JAKMIP3: variants seen among roughly 807,000 people sequenced by gnomAD.
The protein encoded by JAKMIP3 is janus kinase and microtubule-interacting protein 3.
A neutral mutation model predicts 118.5 loss-of-function variants in JAKMIP3; 58 were observed. That is an observed-to-expected ratio of 0.49 (90% CI 0.40 to 0.61). The LOEUF (loss-of-function observed/expected upper bound fraction) is 0.61. Among genes scored for constraint, JAKMIP3 ranks in the 20% least tolerant of loss-of-function variants. JAKMIP3 has a pLI of 0.00. For synonymous variants in JAKMIP3, 486 were observed against 451.2 expected (o/e 1.08, Z -0.98); for missense variants, 950 against 1,109.0 (o/e 0.86, Z 2.04).
intron 1 of JAKMIP3, among the ~76,000 whole-genome samples, chr10:132,071,906 C>CCTTCCTTTCCTTCCT (rs2040002979): frequency 7.5e-6 from 1 of 134,158 alleles, no homozygotes; most frequent in African/African-American, 2.9e-5. Context: ...TCTTTCTTCC[C>CCTTCCTTTCCTTCCT]TTCCTTCCTT....
chr10:132,114,802 C>T (rs192623227), intron 2 of JAKMIP3, among the ~76,000 whole-genome samples: 8 of 152,114 alleles, frequency 5.3e-5, no homozygotes, highest in Admixed American at 2.0e-4. Flanking sequence ...TTTTCAGCAC[C>T]GAGGTCTTGG....
At chr10:132,131,855 C>T (rs554388176) in intron 3 of JAKMIP3, among the ~76,000 whole-genome samples, 1 of 152,232 alleles carries the variant, frequency 6.6e-6, no homozygotes, top group African/African-American at 2.4e-5. Context: ...CCACCCACAG[C>T]CCCATGGGAA....
chr10:132,126,035 G>A (rs1401533267), intron 3 of JAKMIP3, among the ~76,000 whole-genome samples: 1 of 152,162 alleles, frequency 6.6e-6, no homozygotes, highest in African/African-American at 2.4e-5. Flanking sequence ...AAAGTGCTGG[G>A]ATGACAGGAG....
intron 1 of JAKMIP3, among the ~76,000 whole-genome samples, chr10:132,102,804 C>T (rs1353439478): frequency 6.6e-6 from 1 of 152,204 alleles, no homozygotes; most frequent in Non-Finnish European, 1.5e-5. Flanking sequence ...AACTGCAGGG[C>T]CCATGTCCAA....
At chr10:132,173,461 C>A (rs138173343) in intron 23 of JAKMIP3, among the ~76,000 whole-genome samples, 1 of 151,848 alleles carries the variant, frequency 6.6e-6, no homozygotes, top group African/African-American at 2.4e-5. Context: ...ACAGATGCCC[C>A]AGCTGGAGCA....
intron 17 of JAKMIP3, 56 bp downstream of exon 17, chr10:132,153,079 C>A (rs1303645529): frequency 1.8e-5 from 25 of 1,406,806 alleles, no homozygotes; most frequent in Non-Finnish European, 2.4e-5. Flanking sequence ...GGTCTCCTGC[C>A]CTGCTCAGCT....
At chr10:132,141,487 C>G (rs142005923) in intron 10 of JAKMIP3, among the ~76,000 whole-genome samples, 1 of 152,272 alleles carries the variant, frequency 6.6e-6, no homozygotes, top group East Asian at 1.9e-4. Flanking sequence ...TACTTTACCC[C>G]CTTCACAAAG....
chr10:132,150,286 C>T (rs1404404550), intron 16 of JAKMIP3, among the ~76,000 whole-genome samples: 2 of 152,096 alleles, frequency 1.3e-5, no homozygotes, highest in Non-Finnish European at 2.9e-5. Flanking sequence ...TCACATTGCC[C>T]AGCTTCTGGG....
At position 132,078,624 on chromosome 10, in the gene JAKMIP3, G is replaced by A. The variant is rs59384583; in HGVS notation, c.-138+12563G>A. ...CCAGGGACCTTCTCTGGGGGCGGGG[G>A]GGGGGGGGGGTCCCGTTTCTGGCCA... On this transcript the variant is annotated intron_variant, in intron 1 of 23. Coordinates refer to ENST00000684848, the MANE Select transcript of JAKMIP3 (RefSeq NM_001323087.2). Among the ~76,000 whole-genome samples, 33 of 112,736 alleles carry A rather than the reference G, an allele frequency of 2.9e-4. 2 individuals carry two copies. The highest frequency in any genetic ancestry group is 1.8e-3 in the Admixed American group (20 of 11,256). The allele number at this position is 112,736 out of a possible 152,430, so 74.0% of individuals were successfully genotyped here. A position where few individuals can be genotyped will look rare whatever the true frequency, so the allele number is the denominator to read the frequency against.
At chr10:132,165,290 C>G (rs2058779128) in intron 21 of JAKMIP3, among the ~76,000 whole-genome samples, 1 of 152,170 alleles carries the variant, frequency 6.6e-6, no homozygotes, top group South Asian at 2.1e-4. Flanking sequence ...AGACTTGGTG[C>G]TCCCCAAGTC....
Position 132,180,624 on chromosome 10 carries a change from T to TGCGCGTGC in JAKMIP3, c.*1104-1730_*1104-1729insCGTGCGCG, listed in dbSNP as rs1319137751. Among the ~76,000 whole-genome samples, 105 of 18,074 alleles carry TGCGCGTGC rather than the reference T, an allele frequency of 5.8e-3. 14 individuals are homozygous for TGCGCGTGC. The East Asian group carries it at 0.1, about 17-fold the overall frequency. 11.9% of individuals were successfully genotyped at this position (18,074 alleles called of 152,430 possible). ...GTGCGCGTGTGTGTGTGCGTGTGTG[T>TGCGCGTGC]GCGTGTGTGCGTGCGTGTGTGCGTG... On this transcript the variant is annotated intron_variant, in intron 23 of 23. Transcript: ENST00000684848.
At chr10:132,109,147 T>TATAC (rs1554933784) in intron 2 of JAKMIP3, among the ~76,000 whole-genome samples, 2 of 131,728 alleles carry the variant, frequency 1.5e-5, no homozygotes. Flanking sequence ...TATATATATA[T>TATAC]ACACACACAT....
intron 1 of JAKMIP3, among the ~76,000 whole-genome samples, chr10:132,082,865 G>T (rs7911287): frequency 0.35 from 53,857 of 152,058 alleles, 9,951 homozygotes; most frequent in African/African-American, 0.47. Flanking sequence ...CGCCTTGGCC[G>T]CCCAAAGTGC....
intron 11 of JAKMIP3, 42 bp from the exon 12 acceptor site, chr10:132,145,065 C>T: frequency 1.9e-6 from 3 of 1,557,940 alleles, no homozygotes; most frequent in Non-Finnish European, 2.6e-6. Flanking sequence ...TCTGTCCCAG[C>T]TTTTAGAGAA....
At chr10:132,145,662 A>C (rs1340689201) in intron 13 of JAKMIP3, 82 bp downstream of exon 13, 1 of 1,204,078 alleles carries the variant, frequency 8.3e-7, no homozygotes, top group Non-Finnish European at 1.2e-6. Context: ...GGGCTGAAGG[A>C]TGGAGCGAGG....
intron 1 of JAKMIP3, among the ~76,000 whole-genome samples, chr10:132,099,237 C>T (rs11819180): frequency 2.0e-5 from 3 of 152,034 alleles, no homozygotes; most frequent in African/African-American, 7.3e-5. Context: ...TCCTCGTCAG[C>T]GACACTGAGG....
Position 132,104,741 on chromosome 10 carries a change from G to A in JAKMIP3, c.-68G>A, listed in dbSNP as rs2045641173. On this transcript the variant is annotated 5_prime_UTR_variant, in exon 2 of 24. Transcript: ENST00000684848. ...CTGGGAGCTTGGCGTGGACACCCCA[G>A]CCACCCCCAGCCCAGCCCAGCCGGA... 1.3e-6 allele frequency: 2 copies of A among 1,504,202 alleles called. No homozygotes were observed. The highest frequency in any genetic ancestry group is 2.5e-5 in the South Asian group (2 of 81,424). The allele number at this position is 1,504,202 out of a possible 1,614,324, so 93.2% of individuals were successfully genotyped here. A position where few individuals can be genotyped will look rare whatever the true frequency, so the allele number is the denominator to read the frequency against.
intron 3 of JAKMIP3, among the ~76,000 whole-genome samples, chr10:132,122,778 A>G (rs1357288449): frequency 1.3e-5 from 2 of 152,210 alleles, no homozygotes. Flanking sequence ...GGCTGCACTC[A>G]GGGCTGGGCT....
Position 132,126,278 on chromosome 10 carries a change from T to G in JAKMIP3, c.634-7034T>G, listed in dbSNP as rs550573171. 3.3e-5 allele frequency among the ~76,000 whole-genome samples: 5 copies of G among 152,036 alleles called. No individual in the cohort carries two copies. The East Asian group carries it at 7.7e-4, about 23-fold the overall frequency. On this transcript the variant is annotated intron_variant, in intron 3 of 23. Transcript: ENST00000684848. Reference sequence around the variant, plus strand: ...GGTTGGTTGGTTGGTTTTGGTTTTGTTTTTGGTGGGTTTTTTGGCAATACT... The same window carrying G: ...GGTTGGTTGGTTGGTTTTGGTTTTGGTTTTGGTGGGTTTTTTGGCAATACT...
Sources: allele counts gnomAD v4.1 joint callset (sites outside exome capture counted in the v4.1 genomes callset), GRCh38; gene constraint gnomAD v4.1.1; transcripts MANE v1.5; gene names NCBI Gene and HGNC (gene_info 2026-07-23, HGNC 2026-07-21).